The following GNA11 variants were observed in gnomAD, a reference collection of about 807,000 sequenced individuals.
GNA11 encodes the protein G protein subunit alpha 11, also known as guanine nucleotide-binding protein subunit alpha-11.
Under a neutral mutation model 38.2 loss-of-function variants are expected in GNA11, and 8 were observed. The observed-to-expected ratio is 0.21, with a 90% CI of 0.12 to 0.38. The LOEUF (loss-of-function observed/expected upper bound fraction) is 0.38. Ranked by LOEUF, GNA11 falls within the 10% of genes least tolerant of loss-of-function variation. GNA11 has a pLI of 1.00. For synonymous variants in GNA11, 211 were observed against 221.4 expected (o/e 0.95, Z 0.42); for missense variants, 268 against 516.3 (o/e 0.52, Z 4.66).
At chr19:3,103,517 A>ATTTTTTTTT (rs1568280006) in intron 1 of GNA11, among the ~76,000 whole-genome samples, 2 of 60,346 alleles carry the variant, frequency 3.3e-5, no homozygotes, top group Non-Finnish European at 7.2e-5. Flanking sequence ...CCGGCCTTGA[A>ATTTTTTTTT]TCTTTTTTTT....
At position 3,119,155 on chromosome 19, in the gene GNA11, GT is replaced by G; in HGVS notation, c.736-50del. 6.2e-7 allele frequency: 1 copy of G among 1,608,144 alleles called. No individual in the cohort carries two copies. The highest frequency in any genetic ancestry group is 8.5e-7 in the Non-Finnish European group (1 of 1,175,856). ...GGTCCCCCCAGCTGCCCCTTGGGCT[GT>G]GTGCAGTGGGGAGGGCCCCTCTGAT... is the stretch of plus-strand genomic sequence containing the variant. On this transcript the variant is annotated intron_variant, in intron 5 of 6. Transcript: ENST00000078429. The surrounding 1 kb of genome is among the most constrained non-coding windows in gnomAD (Gnocchi z 4.6).
At position 3,123,787 on chromosome 19, in the gene GNA11, ATATTC is replaced by A; in HGVS notation, c.*2612_*2616del. On this transcript the variant is annotated 3_prime_UTR_variant, in exon 7 of 7. Coordinates refer to ENST00000078429, the MANE Select transcript of GNA11 (RefSeq NM_002067.5). ...TCAACCTTAATCTATTTAAAAAAGA[ATATTC>A]TATACAAGCTGTTTTTAAGCCTTTT... The A allele has an allele frequency of 4.3e-6, 1 of 232,268 alleles. No homozygotes were observed. The highest frequency in any genetic ancestry group is 5.6e-5 in the Admixed American group (1 of 17,764). The allele number at this position is 232,268 out of a possible 1,614,324, so 14.4% of individuals were successfully genotyped here. A position where few individuals can be genotyped will look rare whatever the true frequency, so the allele number is the denominator to read the frequency against.
chr19:3,119,575 G>A lies in GNA11; in HGVS notation c.889+216G>A, dbSNP rs1422952017. 3.3e-5 allele frequency among the ~76,000 whole-genome samples: 5 copies of A among 149,932 alleles called. No individual in the cohort carries two copies. In the South Asian group the frequency reaches 6.4e-4, roughly 19 times the overall value. On this transcript the variant is annotated intron_variant, in intron 6 of 6. Transcript: ENST00000078429. The surrounding 1 kb of genome is among the most constrained non-coding windows in gnomAD (Gnocchi z 4.6). ...TCTCCGACGCGGGTGTCTCATACCC[G>A]TGGGAGATCTGTTAATGCAGGGACT...
chr19:3,113,530 G>T lies in GNA11; in HGVS notation c.476+46G>T, dbSNP rs370011696. ...GGCGGCCTGGGGACGGCAGCTGCGGGCCGGTGCCTGGGACCCTTCGGGAAG... is the reference window on the plus strand; with the variant it reads ...GGCGGCCTGGGGACGGCAGCTGCGGTCCGGTGCCTGGGACCCTTCGGGAAG... On this transcript the variant is annotated intron_variant, in intron 3 of 6. Coordinates refer to ENST00000078429, the MANE Select transcript of GNA11 (RefSeq NM_002067.5). 2.4e-3 allele frequency: 3,322 copies of T among 1,401,530 alleles called. 5 individuals are homozygous for T. The highest frequency in any genetic ancestry group is 3.0e-3 in the Non-Finnish European group (3,190 of 1,063,976). The allele number at this position is 1,401,530 out of a possible 1,614,324, so 86.8% of individuals were successfully genotyped here. A position where few individuals can be genotyped will look rare whatever the true frequency, so the allele number is the denominator to read the frequency against.
chr19:3,103,517 A>ATTTTTTTTTTTTT (rs1568280006), intron 1 of GNA11, among the ~76,000 whole-genome samples: 1 of 60,348 alleles, frequency 1.7e-5, no homozygotes, highest in African/African-American at 5.2e-5. Context: ...CCGGCCTTGA[A>ATTTTTTTTTTTTT]TCTTTTTTTT....
rs1305419651 is a variant in GNA11 at position 3,120,100 on chromosome 19, C to T, written c.889+741C>T. On this transcript the variant is annotated intron_variant, in intron 6 of 6. Coordinates refer to ENST00000078429, the MANE Select transcript of GNA11 (RefSeq NM_002067.5). This position sits in a 1 kb window ranked among gnomAD's most constrained non-coding sequence, Gnocchi z 5.9. ...TGGGCAGCTCTGGCGCCCTCATTTC[C>T]ACCCCGGATCTGTGCTCCTCCCGTG... Among the ~76,000 whole-genome samples the T allele has an allele frequency of 6.6e-6, 1 of 152,034 alleles. No individual in the cohort carries two copies. The highest frequency in any genetic ancestry group is 1.5e-5 in the Non-Finnish European group (1 of 67,976).
At chr19:3,118,533 T>C (rs533553343) in intron 4 of GNA11, 1 of 207,678 alleles carries the variant, frequency 4.8e-6, no homozygotes, top group East Asian at 1.1e-4. Context: ...TGAACATCTG[T>C]GTCCCTGGCC....
chr19:3,105,521 G>C (rs1913619166), intron 1 of GNA11, among the ~76,000 whole-genome samples: 1 of 152,130 alleles, frequency 6.6e-6, no homozygotes, highest in Non-Finnish European at 1.5e-5. Context: ...TCCTCATGCG[G>C]ACGGGATCCC....
intron 1 of GNA11, among the ~76,000 whole-genome samples, chr19:3,106,510 C>T (rs1412399496): frequency 6.6e-6 from 1 of 152,164 alleles, no homozygotes; most frequent in Non-Finnish European, 1.5e-5. Context: ...AGGCCCGGGG[C>T]CACCTGGGCC....
chr19:3,107,639 TAG>T, intron 1 of GNA11, among the ~76,000 whole-genome samples: 2 of 152,206 alleles, frequency 1.3e-5, no homozygotes, highest in South Asian at 4.1e-4. Flanking sequence ...TTGTTAGACA[TAG>T]AGTCTCATCT....
chr19:3,113,130 C>G (rs1351103858), intron 2 of GNA11, among the ~76,000 whole-genome samples, 200 bp from the exon 3 acceptor site: 3 of 152,266 alleles, frequency 2.0e-5, no homozygotes, highest in Admixed American at 6.5e-5. Context: ...CTTGTGGGGC[C>G]TTGTTCGGAG....
intron 1 of GNA11, among the ~76,000 whole-genome samples, chr19:3,106,805 ATATG>A (rs1390896221): frequency 6.6e-6 from 1 of 152,242 alleles, no homozygotes; most frequent in Non-Finnish European, 1.5e-5. Flanking sequence ...ACGTTAATGC[ATATG>A]TATGTGTGCA....
At position 3,119,070 on chromosome 19, in the gene GNA11, G is replaced by A. The variant is rs1399456333; in HGVS notation, c.735+17G>A. ...GACAACGAGGTGGGCCCTGCCCTGA[G>A]CAGGGGCAGCGTTGGGGGCCGGGCC... On this transcript the variant is annotated intron_variant, in intron 5 of 6. Transcript: ENST00000078429. This position sits in a 1 kb window ranked among gnomAD's most constrained non-coding sequence, Gnocchi z 4.6. 1.9e-6 allele frequency: 3 copies of A among 1,612,442 alleles called. No individual in the cohort carries two copies. The African/African-American group carries it at 4.0e-5, about 22-fold the overall frequency.
Position 3,094,786 on chromosome 19 carries a change from C to G in GNA11, c.135C>G (p.Leu45=). Residue 45 remains leucine (L), a splice_region_variant and synonymous_variant, in exon 1 of 7, where the codon CTC becomes CTG. Coordinates refer to ENST00000078429, the MANE Select transcript of GNA11 (RefSeq NM_002067.5). This position sits in a 1 kb window ranked among gnomAD's most constrained non-coding sequence, Gnocchi z 6.0. The part of the protein sequence containing the change: ...DARRELKLLL[L]GTGESGKSTF... ...GGCGCGAGCTCAAGCTGCTGCTGCT[C>G]GGTGAGTGCGGCCCCCGGGCCTGCC... 2 of 1,577,328 alleles carry G rather than the reference C, an allele frequency of 1.3e-6. No individual in the cohort carries two copies. The highest frequency in any genetic ancestry group is 1.7e-6 in the Non-Finnish European group (2 of 1,164,166).
At position 3,110,321 on chromosome 19, in the gene GNA11, C is replaced by T. The variant is rs758603549; in HGVS notation, c.309C>T (p.Tyr103=). 8.7e-5 allele frequency: 141 copies of T among 1,613,444 alleles called. No individual in the cohort carries two copies. Among genetic ancestry groups the T allele is most frequent in the Non-Finnish European group, 1.1e-4 (129 of 1,179,648 alleles). ...AGACGCTCAAGATCCTCTACAAGTA[C>T]GAGCAGAACAAGGTGAGCCCGCGGG... The part of the protein sequence containing the change: ...AMETLKILYK[Y]EQNKANALLI... Residue 103 remains tyrosine (Y), a synonymous_variant, in exon 2 of 7, where the codon TAC becomes TAT. Transcript: ENST00000078429. This position sits in a 1 kb window ranked among gnomAD's most constrained non-coding sequence, Gnocchi z 5.4.
Position 3,094,816 on chromosome 19 carries a change from G to T in GNA11, c.136+29G>T. ...AGTGCGGCCCCCGGGCCTGCCGGCT[G>T]CGGGCCCTGCCCTGCCTGTGCCTGC... is the stretch of plus-strand genomic sequence containing the variant. On this transcript the variant is annotated intron_variant, in intron 1 of 6. Coordinates refer to ENST00000078429, the MANE Select transcript of GNA11 (RefSeq NM_002067.5). This position sits in a 1 kb window ranked among gnomAD's most constrained non-coding sequence, Gnocchi z 6.0. 1 of 1,506,004 alleles carries T rather than the reference G, an allele frequency of 6.6e-7. No individual in the cohort carries two copies. The highest frequency in any genetic ancestry group is 8.9e-7 in the Non-Finnish European group (1 of 1,127,692). The allele number at this position is 1,506,004 out of a possible 1,614,324, so 93.3% of individuals were successfully genotyped here. A position where few individuals can be genotyped will look rare whatever the true frequency, so the allele number is the denominator to read the frequency against.
rs192148028 is a variant in GNA11 at position 3,110,829 on chromosome 19, C to T, written c.321+496C>T. Among the ~76,000 whole-genome samples the T allele has an allele frequency of 5.7e-4, 86 of 152,006 alleles. No homozygotes were observed. Among genetic ancestry groups the T allele is most frequent in the African/African-American group, 2.0e-3 (81 of 41,382 alleles). On this transcript the variant is annotated intron_variant, in intron 2 of 6. Coordinates refer to ENST00000078429, the MANE Select transcript of GNA11 (RefSeq NM_002067.5). The surrounding 1 kb of genome is among the most constrained non-coding windows in gnomAD (Gnocchi z 5.4). ...TTGTTTTGTTTTGAAAACAGGGTCT[C>T]GCTCTGTCGCCCAGGCTGGAGTGCA... is the stretch of plus-strand genomic sequence containing the variant.
intron 1 of GNA11, among the ~76,000 whole-genome samples, chr19:3,100,606 G>A (rs1219374549): frequency 1.3e-5 from 2 of 152,216 alleles, no homozygotes; most frequent in South Asian, 2.1e-4. Context: ...GTTGCCACCT[G>A]CCTGTGGGCC....
chr19:3,114,646 C>G (rs146074031), intron 3 of GNA11, among the ~76,000 whole-genome samples: 43 of 152,334 alleles, frequency 2.8e-4, no homozygotes, highest in Admixed American at 4.6e-4. Flanking sequence ...CTCTGGACAG[C>G]TCTACTACAA....
Sources: allele counts gnomAD v4.1 joint callset (sites outside exome capture counted in the v4.1 genomes callset), GRCh38; gene constraint gnomAD v4.1.1; non-coding constraint Gnocchi (gnomAD v3.1); transcripts MANE v1.5; gene names NCBI Gene and HGNC (gene_info 2026-07-23, HGNC 2026-07-21).